The following PLPP4 variants were observed in gnomAD, a reference collection of about 807,000 sequenced individuals.
The protein encoded by PLPP4 is diacylglycerol pyrophosphate like 2.
PLPP4 carries 20 observed loss-of-function variants against 32.2 expected under a neutral mutation model. The observed-to-expected ratio is 0.62, with a 90% CI of 0.44 to 0.90. The LOEUF is 0.90. Ranked by LOEUF, PLPP4 falls within the 40% of genes least tolerant of loss-of-function variation. The probability of loss-of-function intolerance (pLI) is 0.00; values close to 1 mark genes in which losing one functional copy is unlikely to be tolerated. For missense variants in PLPP4, 257 were observed against 353.1 expected, an observed-to-expected ratio of 0.73 and a Z score of 2.18; for synonymous variants, 127 against 133.0, an observed-to-expected ratio of 0.95 and a Z score of 0.31.
chr10:120,561,612 C>T (rs1434798903), intron 5 of PLPP4, among the ~76,000 whole-genome samples: 1 of 152,158 alleles, frequency 6.6e-6, no homozygotes, highest in African/African-American at 2.4e-5. Flanking sequence ...GTTGGGCTGT[C>T]TTTGGGTACA....
chr10:120,484,578 G>A (rs984886427), intron 1 of PLPP4, among the ~76,000 whole-genome samples: 1 of 152,186 alleles, frequency 6.6e-6, no homozygotes, highest in African/African-American at 2.4e-5. Context: ...ACGGGGCAAA[G>A]CCCTTATGGC....
intron 1 of PLPP4, among the ~76,000 whole-genome samples, chr10:120,499,797 C>T (rs2133857756): frequency 6.6e-6 from 1 of 152,246 alleles, no homozygotes; most frequent in East Asian, 1.9e-4. Context: ...GAGACCACAC[C>T]TTCACACCTT....
rs115870929 is a variant in PLPP4, at chr10:120,492,803, A to T, written c.57-11015A>T. Among the ~76,000 whole-genome samples the T allele has an allele frequency of 5.0e-3, 755 of 152,326 alleles. 7 individuals are homozygous for T. Among genetic ancestry groups the T allele is most frequent in the African/African-American group, 0.017 (686 of 41,568 alleles). On this transcript the variant is annotated intron_variant, in intron 1 of 6. Coordinates refer to ENST00000398250, the MANE Select transcript of PLPP4 (RefSeq NM_001030059.3). ...CCAACATTTTATCCTGAAAAATTCC[A>T]AATATTTAGAAAGGTTGAAAGAGTA...
chr10:120,482,453 A>T (rs1233414296), intron 1 of PLPP4, among the ~76,000 whole-genome samples: 1 of 152,152 alleles, frequency 6.6e-6, no homozygotes, highest in East Asian at 1.9e-4. Context: ...TGGAACTTAG[A>T]ACTTGAAGGA....
intron 1 of PLPP4, among the ~76,000 whole-genome samples, chr10:120,489,162 C>T (rs1481500313): frequency 6.6e-6 from 1 of 152,190 alleles, no homozygotes; most frequent in Non-Finnish European, 1.5e-5. Flanking sequence ...GTGAGTGCAG[C>T]AGGGCTGATA....
chr10:120,477,771 G>A (rs995156225), intron 1 of PLPP4, among the ~76,000 whole-genome samples: 1 of 152,206 alleles, frequency 6.6e-6, no homozygotes, highest in African/African-American at 2.4e-5. Context: ...CTGGCACATA[G>A]TAGATACTCA....
intron 2 of PLPP4, among the ~76,000 whole-genome samples, chr10:120,504,566 T>G (rs937196097): frequency 6.6e-6 from 1 of 152,242 alleles, no homozygotes; most frequent in African/African-American, 2.4e-5. Context: ...TAACAGTTGA[T>G]AGGAGGCTTT....
chr10:120,518,906 A>G lies in PLPP4; in HGVS notation c.320+10A>G. ...AATTAATAGTGGGAAGGTAAGTTCC[A>G]AGAAGAATGAAATGGTGACTTAGAC... On this transcript the variant is annotated intron_variant, in intron 4 of 6. Coordinates refer to ENST00000398250, the MANE Select transcript of PLPP4 (RefSeq NM_001030059.3). The G allele has an allele frequency of 6.2e-7, 1 of 1,606,852 alleles. No homozygotes were observed. Among genetic ancestry groups the G allele is most frequent in the Non-Finnish European group, 8.5e-7 (1 of 1,175,144 alleles).
intron 5 of PLPP4, among the ~76,000 whole-genome samples, chr10:120,536,745 A>G (rs1847043162): frequency 1.3e-5 from 2 of 152,034 alleles, no homozygotes; most frequent in South Asian, 4.1e-4. Flanking sequence ...AAAGGAAACA[A>G]TAAACAAAAT....
At chr10:120,523,721 G>C (rs1846268243) in intron 5 of PLPP4, among the ~76,000 whole-genome samples, 1 of 152,110 alleles carries the variant, frequency 6.6e-6, no homozygotes, top group Admixed American at 6.5e-5. Context: ...ACTTGGTGCT[G>C]AATCTTAAGG....
intron 5 of PLPP4, among the ~76,000 whole-genome samples, chr10:120,569,431 A>G (rs1316134692): frequency 6.6e-6 from 1 of 152,200 alleles, no homozygotes; most frequent in African/African-American, 2.4e-5. Context: ...TTTTTCTCAG[A>G]ACAAAATCTT....
intron 6 of PLPP4, among the ~76,000 whole-genome samples, chr10:120,588,313 G>A (rs1241471240): frequency 6.6e-6 from 1 of 152,208 alleles, no homozygotes; most frequent in Non-Finnish European, 1.5e-5. Context: ...TTGGCAGGGG[G>A]CTGCCCTTGG....
chr10:120,583,302 C>T (rs1364254440), intron 6 of PLPP4, among the ~76,000 whole-genome samples: 1 of 151,874 alleles, frequency 6.6e-6, no homozygotes, highest in Non-Finnish European at 1.5e-5. Flanking sequence ...TGTCCTTTGA[C>T]CTCATGGCAA....
chr10:120,564,485 ATTTGGTGTT>A (rs1848595249), intron 5 of PLPP4, among the ~76,000 whole-genome samples: 2 of 151,852 alleles, frequency 1.3e-5, no homozygotes, highest in African/African-American at 4.8e-5. Context: ...AAGATTGTTA[ATTTGGTGTT>A]CAGATCTTAT....
At chr10:120,499,860 T>G (rs1180295586) in intron 1 of PLPP4, among the ~76,000 whole-genome samples, 2 of 152,064 alleles carry the variant, frequency 1.3e-5, no homozygotes, top group Non-Finnish European at 2.9e-5. Flanking sequence ...CCAAACCACT[T>G]CCAAAGAGCT....
In PLPP4 at chr10:120,589,616, C is replaced by T; in HGVS notation, c.*114C>T. ...TTTTTCATCAGTTGTTTCTCAAAGT[C>T]ATCGTACTTCTGCTTCTGTTTCACT... On this transcript the variant is annotated 3_prime_UTR_variant, in exon 7 of 7. Coordinates refer to ENST00000398250, the MANE Select transcript of PLPP4 (RefSeq NM_001030059.3). 1.3e-6 allele frequency: 1 copy of T among 775,654 alleles called. No individual in the cohort carries two copies. Among genetic ancestry groups the T allele is most frequent in the Non-Finnish European group, 2.0e-6 (1 of 493,310 alleles). The allele number at this position is 775,654 out of a possible 1,614,324, so 48.0% of individuals were successfully genotyped here.
intron 1 of PLPP4, among the ~76,000 whole-genome samples, chr10:120,490,240 C>T (rs181847673): frequency 1.3e-5 from 2 of 152,366 alleles, no homozygotes; most frequent in East Asian, 3.9e-4. Flanking sequence ...ATGTCTCCAG[C>T]TGTCCAAAGT....
chr10:120,530,179 A>G (rs1846635743), intron 5 of PLPP4, among the ~76,000 whole-genome samples: 1 of 152,186 alleles, frequency 6.6e-6, no homozygotes, highest in African/African-American at 2.4e-5. Flanking sequence ...AAATGCATAA[A>G]TCATAACCAT....
At chr10:120,460,833 C>T (rs1174585480) in intron 1 of PLPP4, among the ~76,000 whole-genome samples, 1 of 152,170 alleles carries the variant, frequency 6.6e-6, no homozygotes, top group Non-Finnish European at 1.5e-5. Context: ...GTTCATTATT[C>T]CCACTTTACA....
Sources: gnomAD v4.1 joint callset for allele counts (sites outside exome capture counted in the v4.1 genomes callset) on GRCh38, gnomAD v4.1.1 for gene constraint, MANE v1.5 for transcripts, NCBI Gene and HGNC (gene_info 2026-07-23, HGNC 2026-07-21) for gene names.